The following ZNF611 variants were observed in gnomAD, a reference collection of about 807,000 sequenced individuals.
ZNF611 encodes zinc finger protein 611.
A neutral mutation model predicts 8.9 loss-of-function variants in ZNF611; 6 were observed. The ratio of observed to expected loss-of-function variants is 0.68; its 90% CI spans 0.37 to 1.34. The LOEUF is 1.34. Among genes scored for constraint, ZNF611 ranks in the 40% most tolerant of loss-of-function variants. The pLI is 0.02. For synonymous variants in ZNF611, 262 were observed against 279.7 expected (o/e 0.94, Z 0.63); for missense variants, 874 against 841.3 (o/e 1.04, Z -0.48).
At chr19:52,711,753 C>T (rs545270932) in intron 5 of ZNF611, among the ~76,000 whole-genome samples, 48 of 152,266 alleles carry the variant, frequency 3.2e-4, no homozygotes, top group African/African-American at 1.1e-3. Context: ...AAGGTCTTCA[C>T]TTACTCAGGG....
chr19:52,723,772 G>A (rs1299863967), intron 3 of ZNF611: 7 of 152,248 alleles, frequency 4.6e-5, no homozygotes, highest in Non-Finnish European at 8.8e-5. Context: ...AGAGGGGGAT[G>A]TGGAAGGACT....
chr19:52,704,767 C>A lies in ZNF611; in HGVS notation c.*170G>T. ...GCCAAAGGCTTTGCCACACTCATTA[C>A]ACTTGTAAGGTTTCTCTCCAGTGTG... is the stretch of plus-strand genomic sequence containing the variant. On this transcript the variant is annotated 3_prime_UTR_variant, in exon 6 of 6. Coordinates refer to ENST00000652185, the MANE Select transcript of ZNF611 (RefSeq NM_001161499.2). 1 of 1,595,148 alleles carries A rather than the reference C, an allele frequency of 6.3e-7. No individual in the cohort carries two copies. Among genetic ancestry groups the A allele is most frequent in the African/African-American group, 1.3e-5 (1 of 74,656 alleles).
intron 3 of ZNF611, among the ~76,000 whole-genome samples, chr19:52,726,114 T>A (rs1009406144): frequency 6.6e-6 from 1 of 152,204 alleles, no homozygotes; most frequent in African/African-American, 2.4e-5. Context: ...TCCCTTTCTA[T>A]TCTCCATTCA....
chr19:52,713,270 T>C (rs2062292665), intron 5 of ZNF611, among the ~76,000 whole-genome samples: 1 of 152,096 alleles, frequency 6.6e-6, no homozygotes. Context: ...GAAATGACAG[T>C]AGAACTAAAC....
chr19:52,728,068 G>A (rs575872193), intron 3 of ZNF611, among the ~76,000 whole-genome samples: 17 of 151,912 alleles, frequency 1.1e-4, no homozygotes, highest in African/African-American at 3.6e-4. Flanking sequence ...CACCACACCC[G>A]GCTAATTTTT....
In ZNF611 at chr19:52,715,843, C is replaced by A; in HGVS notation, c.52G>T (p.Ala18Ser). ...GAATATCACTTCACCTGAGGAAGAG[C>A]CATGCCTGGCTCCTTTCCTTTCCTC... ...QKRKGKEPGMALPQGRLTFRD... is the reference protein window; with the variant it reads ...QKRKGKEPGMSLPQGRLTFRD... The change falls in exon 4 of 6, where the codon GCT (alanine) becomes TCT (serine). Residue 18 changes from alanine (A) to serine (S), a missense_variant. Physicochemically the swap from Ala to Ser is moderately conservative, Grantham distance 99. Transcript: ENST00000652185. The A allele has an allele frequency of 6.2e-7, 1 of 1,612,578 alleles. No individual in the cohort carries two copies. The highest frequency in any genetic ancestry group is 8.5e-7 in the Non-Finnish European group (1 of 1,179,828).
Position 52,706,743 on chromosome 19 carries a change from C to T in ZNF611, c.312G>A (p.Gln104=), listed in dbSNP as rs1167850095. The T allele has an allele frequency of 3.7e-6, 6 of 1,614,066 alleles. No individual in the cohort carries two copies. Among genetic ancestry groups the T allele is most frequent in the Non-Finnish European group, 4.2e-6 (5 of 1,180,028 alleles). The change falls in exon 6 of 6, where the codon CAG becomes CAA. Residue 104 remains glutamine (Q), a synonymous_variant. Transcript: ENST00000652185. Reference sequence around the variant, plus strand: ...TGTCATGAATTTCTTTCTCAATTTCCTGGAAGCAAAAATCTCCAATGTGAT... The same window carrying T: ...TGTCATGAATTTCTTTCTCAATTTCTTGGAAGCAAAAATCTCCAATGTGAT... ...ESHHIGDFCF[Q]EIEKEIHDIE...
At chr19:52,717,739 T>G in intron 3 of ZNF611, 1 of 968,852 alleles carries the variant, frequency 1.0e-6, no homozygotes, top group Non-Finnish European at 1.2e-6. Context: ...GACACTTACT[T>G]AGAAGCTCAC....
chr19:52,719,568 A>G lies in ZNF611; in HGVS notation c.-19-3655T>C, dbSNP rs564615479. Among the ~76,000 whole-genome samples the G allele has an allele frequency of 6.6e-5, 10 of 152,272 alleles. No individual in the cohort carries two copies. In the South Asian group the frequency reaches 2.1e-3, roughly 32 times the overall value. On this transcript the variant is annotated intron_variant, in intron 3 of 5. Coordinates refer to ENST00000652185, the MANE Select transcript of ZNF611 (RefSeq NM_001161499.2). ...TTACCTTATAAACAGAGAAAGCAAC[A>G]TGTCATCACTTCATCATCACATCCA...
chr19:52,725,891 G>A (rs983265259), intron 3 of ZNF611, among the ~76,000 whole-genome samples: 4 of 152,138 alleles, frequency 2.6e-5, no homozygotes, highest in East Asian at 1.9e-4. Flanking sequence ...GGGCGGGGCC[G>A]GGACCGGACC....
At position 52,706,406 on chromosome 19, in the gene ZNF611, A is replaced by G. The variant is rs1213258216; in HGVS notation, c.649T>C (p.Leu217=). 1.2e-6 allele frequency: 2 copies of G among 1,614,182 alleles called. No individual in the cohort carries two copies. Among genetic ancestry groups the G allele is most frequent in the Non-Finnish European group, 1.7e-6 (2 of 1,180,032 alleles). Residue 217 remains leucine, a synonymous_variant, in exon 6 of 6, where the codon TTA becomes CTA. Coordinates refer to ENST00000652185, the MANE Select transcript of ZNF611 (RefSeq NM_001161499.2). The part of the protein sequence containing the change: ...NYGNNPLNSS[L]LPQKQEVHMR... ...TGTACTTCCTGTTTTTGTGGGAGTA[A>G]TGAAGAATTCAGGGGATTATTCCCA...
At chr19:52,729,545 TAATAC>T (rs955867884) in intron 2 of ZNF611, among the ~76,000 whole-genome samples, 9 of 138,482 alleles carry the variant, frequency 6.5e-5, no homozygotes, top group African/African-American at 2.5e-4. Flanking sequence ...AAAACAATGT[TAATAC>T]AATATTTTTC....
At chr19:52,720,312 A>G (rs2062346673) in intron 3 of ZNF611, among the ~76,000 whole-genome samples, 2 of 152,190 alleles carry the variant, frequency 1.3e-5, no homozygotes, top group South Asian at 4.1e-4. Context: ...GTCACTTCAC[A>G]CTTGGAAGAT....
At chr19:52,731,750 C>T (rs2062426874) in intron 1 of ZNF611, among the ~76,000 whole-genome samples, 1 of 151,966 alleles carries the variant, frequency 6.6e-6, no homozygotes, top group Admixed American at 6.5e-5. Context: ...GCAGGTGGAT[C>T]ACCTCAGGTC....
intron 3 of ZNF611, among the ~76,000 whole-genome samples, chr19:52,726,760 A>G (rs962166655): frequency 4.0e-4 from 58 of 143,786 alleles, no homozygotes; most frequent in African/African-American, 1.4e-3. Context: ...AAAATTTTTC[A>G]TGGTGTGACA....
At position 52,715,853 on chromosome 19, in the gene ZNF611, C is replaced by T. The variant is rs749985831; in HGVS notation, c.42G>A (p.Glu14=). Residue 14 remains glutamate (E), a synonymous_variant, in exon 4 of 6, where the codon GAG becomes GAA. Transcript: ENST00000652185. ...EEAAQKRKGK[E]PGMALPQGRL... ...TCACCTGAGGAAGAGCCATGCCTGG[C>T]TCCTTTCCTTTCCTCTTCTGAGCTG... 2.5e-6 allele frequency: 4 copies of T among 1,612,928 alleles called. No homozygotes were observed. Among genetic ancestry groups the T allele is most frequent in the African/African-American group, 1.3e-5 (1 of 74,934 alleles).
intron 3 of ZNF611, among the ~76,000 whole-genome samples, chr19:52,727,905 GC>G (rs1206213352): frequency 7.7e-6 from 1 of 130,356 alleles, no homozygotes; most frequent in Non-Finnish European, 1.6e-5. Context: ...CTTGTTGTGT[GC>G]CTTTTTTTTT....
chr19:52,730,486 T>C (rs2062419806), intron 1 of ZNF611, among the ~76,000 whole-genome samples: 2 of 151,106 alleles, frequency 1.3e-5, no homozygotes, highest in African/African-American at 4.9e-5. Flanking sequence ...CAGAGTTGTG[T>C]CCAATAGGAT....
chr19:52,722,102 C>T (rs979257348), intron 3 of ZNF611, among the ~76,000 whole-genome samples: 1 of 151,774 alleles, frequency 6.6e-6, no homozygotes, highest in Non-Finnish European at 1.5e-5. Flanking sequence ...TGGCTCATCC[C>T]TATAATCCCA....
Sources: gnomAD v4.1 joint callset for allele counts (sites outside exome capture counted in the v4.1 genomes callset) on GRCh38, gnomAD v4.1.1 for gene constraint, MANE v1.5 for transcripts, NCBI Gene and HGNC (gene_info 2026-07-23, HGNC 2026-07-21) for gene names.